NOX1: variants seen among roughly 807,000 people sequenced by gnomAD.
NOX1 encodes NADPH oxidase 1.
Under a neutral mutation model 42.5 loss-of-function variants are expected in NOX1, and 34 were observed. The observed-to-expected ratio is 0.80, with a 90% CI of 0.61 to 1.07. The LOEUF (loss-of-function observed/expected upper bound fraction) is 1.07. Among genes scored for constraint, NOX1 ranks in the 50% least tolerant of loss-of-function variants. NOX1 has a pLI of 0.00. For synonymous variants in NOX1, 143 were observed against 152.5 expected (o/e 0.94, Z 0.46); for missense variants, 408 against 427.0 (o/e 0.96, Z 0.39).
In NOX1 at chrX:100,862,371, A is replaced by G. The variant is rs756101798; in HGVS notation, c.671+21T>C. The G allele has an allele frequency of 9.9e-6, 12 of 1,207,797 alleles. No individual in the cohort carries two copies. In the African/African-American group the frequency reaches 1.4e-4, roughly 14 times the overall value. On this transcript the variant is annotated intron_variant, in intron 6 of 12. Coordinates refer to ENST00000372966, the MANE Select transcript of NOX1 (RefSeq NM_007052.5). Reference sequence around the variant, plus strand: ...CAAGGTCAGGGGCTGGGGCATGAGAATGAGGGTTCGAGGATCTTACCCAAT... The same window carrying G: ...CAAGGTCAGGGGCTGGGGCATGAGAGTGAGGGTTCGAGGATCTTACCCAAT...
At chrX:100,845,782 A>C (rs1164449797) in intron 12 of NOX1, among the ~76,000 whole-genome samples, 4 of 74,167 alleles carry the variant, frequency 5.4e-5, no homozygotes, top group African/African-American at 2.0e-4. Context: ...TGCCCAGCTA[A>C]TTCTTTTCAC....
intron 2 of NOX1, among the ~76,000 whole-genome samples, chrX:100,866,232 A>AAAAG (rs1161231323): frequency 1.8e-5 from 2 of 109,840 alleles, no homozygotes; most frequent in East Asian, 5.6e-4. Flanking sequence ...AAAAAAAAAA[A>AAAAG]AAAGAAAGAA....
At chrX:100,844,413 T>C (rs1011565943) in intron 12 of NOX1, among the ~76,000 whole-genome samples, 1 of 111,603 alleles carries the variant, frequency 9.0e-6, no homozygotes, top group Non-Finnish European at 1.9e-5. Context: ...TGTGGGACTT[T>C]GGGCACATTT....
intron 12 of NOX1, among the ~76,000 whole-genome samples, chrX:100,848,228 ATCTTT>A (rs1288813385): frequency 9.0e-6 from 1 of 111,196 alleles, no homozygotes; most frequent in Non-Finnish European, 1.9e-5. Context: ...TGCCCCAGAG[ATCTTT>A]TCTTAAGAGT....
At chrX:100,873,392 A>G (rs2085287934) in intron 1 of NOX1, among the ~76,000 whole-genome samples, 1 of 112,028 alleles carries the variant, frequency 8.9e-6, no homozygotes, top group Non-Finnish European at 1.9e-5. Context: ...AAGTTGGTTT[A>G]CATCTGCACT....
chrX:100,859,990 C>T (rs919674784), intron 7 of NOX1, among the ~76,000 whole-genome samples: 6 of 109,975 alleles, frequency 5.5e-5, no homozygotes, highest in South Asian at 3.9e-4. Context: ...AAAAGCAAAT[C>T]CTCCTGCCCC....
chrX:100,855,240 C>T, intron 7 of NOX1: 1 of 522,479 alleles, frequency 1.9e-6, no homozygotes, highest in Non-Finnish European at 3.4e-6. Context: ...CCTGTAGCTT[C>T]TCTGTCACTT....
intron 2 of NOX1, among the ~76,000 whole-genome samples, chrX:100,865,711 G>A (rs1055830384): frequency 8.9e-6 from 1 of 112,869 alleles, no homozygotes; most frequent in Non-Finnish European, 1.9e-5. Context: ...GATGGTAAAT[G>A]TTTTAATGAC....
At chrX:100,867,289 G>A (rs1469920133) in intron 2 of NOX1, among the ~76,000 whole-genome samples, 15 of 111,855 alleles carry the variant, frequency 1.3e-4, no homozygotes, top group Non-Finnish European at 2.8e-4. Flanking sequence ...CAAAGTGCTG[G>A]GATTACAGGC....
rs761934314 is a variant in NOX1, at chrX:100,843,977, A to G, written c.1670T>C (p.Phe557Ser). Residue 557 changes from phenylalanine to serine, a missense_variant, in exon 13 of 13, where the codon TTC (phenylalanine) becomes TCC (serine). Physicochemically the swap from Phe to Ser is radical, Grantham distance 155. Transcript: ENST00000372966. ...YSSLDPRKVQFYFNKENF is the reference protein window; with the variant it reads ...YSSLDPRKVQSYFNKENF ...TCAAAAATTTTCTTTGTTGAAGTAG[A>G]ATTGAACCTTTCTAGGATCCAGACT... 6.6e-6 allele frequency: 8 copies of G among 1,206,868 alleles called. No homozygotes were observed. In the Admixed American group the frequency reaches 1.3e-4, roughly 20 times the overall value.
chrX:100,844,758 G>C, intron 12 of NOX1, among the ~76,000 whole-genome samples: 1 of 112,131 alleles, frequency 8.9e-6, no homozygotes, highest in Non-Finnish European at 1.9e-5. Flanking sequence ...ACCTCTCTCT[G>C]TTTCAGCTTT....
rs765303950 is a variant in NOX1, at chrX:100,870,835, A to C, written c.46-21T>G. On this transcript the variant is annotated intron_variant, in intron 1 of 12. Coordinates refer to ENST00000372966, the MANE Select transcript of NOX1 (RefSeq NM_007052.5). ...ACAACCTAGAGAAAGAAAAAAAAAC[A>C]TGCAAAGAATAAAGTGAAATTTGAG... 4 of 975,010 alleles carry C rather than the reference A, an allele frequency of 4.1e-6. No individual in the cohort carries two copies. In the African/African-American group the frequency reaches 7.7e-5, roughly 19 times the overall value. 80.4% of individuals were successfully genotyped at this position (975,010 alleles called of 1,213,427 possible).
intron 11 of NOX1, 77 bp downstream of exon 11, chrX:100,849,203 C>A (rs2085095833): frequency 9.5e-7 from 1 of 1,053,998 alleles, no homozygotes; most frequent in Admixed American, 2.4e-5. Flanking sequence ...GAAATAACTT[C>A]TAATCCATAT....
At chrX:100,855,633 G>C in intron 7 of NOX1, 1 of 1,039,346 alleles carries the variant, frequency 9.6e-7, no homozygotes, top group Non-Finnish European at 1.3e-6. Context: ...AGAGTAACCA[G>C]GGCCGCCTCC....
Position 100,850,365 on chromosome X carries a change from C to G in NOX1, c.919G>C (p.Val307Leu). 1 of 1,191,631 alleles carries G rather than the reference C, an allele frequency of 8.4e-7. No homozygotes were observed. The highest frequency in any genetic ancestry group is 1.1e-6 in the Non-Finnish European group (1 of 883,483). The change falls in exon 9 of 13, where the codon GTT becomes CTT. Residue 307 changes from valine to leucine, a missense_variant. By Grantham distance (32) the Val-to-Leu change is conservative (BLOSUM62 1). Transcript: ENST00000372966. The part of the protein sequence containing the change: ...ITKVVMHPSK[V>L]LELQMNKRGF... ...CGCTTGTTCATCTGCAATTCCAAAA[C>G]TTTGGATGGGTGCATAACAACCTGT...
intron 7 of NOX1, among the ~76,000 whole-genome samples, chrX:100,858,249 A>T (rs1474240923): frequency 9.0e-6 from 1 of 111,493 alleles, no homozygotes. Context: ...ATGGATATGC[A>T]ACATTATTTC....
chrX:100,851,411 T>C (rs1277267922), intron 7 of NOX1, 86 bp from the exon 8 acceptor site: 6 of 449,924 alleles, frequency 1.3e-5, no homozygotes. Flanking sequence ...CTTCATTCTT[T>C]ACTGAGTTCT....
chrX:100,851,766 T>A (rs1257187269), intron 7 of NOX1, among the ~76,000 whole-genome samples: 1 of 110,317 alleles, frequency 9.1e-6, no homozygotes, highest in African/African-American at 3.3e-5. Flanking sequence ...TACAAAAAAT[T>A]AGCTGCGCGT....
At chrX:100,847,033 C>CA (rs1349098398) in intron 12 of NOX1, among the ~76,000 whole-genome samples, 2 of 111,723 alleles carry the variant, frequency 1.8e-5, no homozygotes, top group African/African-American at 6.5e-5. Flanking sequence ...ACTAAAAATA[C>CA]AAAAAATTAG....
Sources: gnomAD v4.1 joint callset for allele counts (sites outside exome capture counted in the v4.1 genomes callset) on GRCh38, gnomAD v4.1.1 for gene constraint, MANE v1.5 for transcripts, NCBI Gene and HGNC (gene_info 2026-07-23, HGNC 2026-07-21) for gene names.